PRKDC: variants seen among roughly 807,000 people sequenced by gnomAD.
PRKDC encodes the protein DNA-dependent protein kinase catalytic subunit.
Under a neutral mutation model 486.9 loss-of-function variants are expected in PRKDC, and 82 were observed. The observed-to-expected ratio is 0.17, with a 90% confidence interval of 0.14 to 0.20. The LOEUF (loss-of-function observed/expected upper bound fraction) is 0.20. Ranked by LOEUF, PRKDC falls within the 10% of genes least tolerant of loss-of-function variation. The pLI is 1.00. For synonymous variants in PRKDC, 1,895 were observed against 1,837.0 expected, an observed-to-expected ratio of 1.03 and a Z score of -0.81; for missense variants, 4,504 against 5,038.2, an observed-to-expected ratio of 0.89 and a Z score of 3.21.
chr8:47,786,049 T>C lies in PRKDC; in HGVS notation c.10903-732A>G, dbSNP rs905679865. On this transcript the variant is annotated intron_variant, in intron 76 of 85. Coordinates refer to ENST00000314191, the MANE Select transcript of PRKDC (RefSeq NM_006904.7). ...TGAACCCGGGAGGCGGAGGTTGCAG[T>C]GAGCCGAGATCGCGCCACTGCACTC... Among the ~76,000 whole-genome samples the C allele has an allele frequency of 2.0e-5, 3 of 151,144 alleles. No homozygotes were observed. The East Asian group carries it at 5.9e-4, about 29-fold the overall frequency.
chr8:47,953,476 G>A (rs555947448), intron 7 of PRKDC, 144 bp downstream of exon 7: 60 of 761,574 alleles, frequency 7.9e-5, no homozygotes, highest in East Asian at 1.9e-4. Context: ...AGGGGAACTC[G>A]GGAGGGCCCA....
chr8:47,847,789 C>T (rs572333943), intron 54 of PRKDC, among the ~76,000 whole-genome samples: 1 of 151,644 alleles, frequency 6.6e-6, no homozygotes, highest in Non-Finnish European at 1.5e-5. Flanking sequence ...CCATAAAAAA[C>T]TTAATTCAAC....
At chr8:47,950,472 A>G (rs1320755991) in intron 7 of PRKDC, among the ~76,000 whole-genome samples, 1 of 148,660 alleles carries the variant, frequency 6.7e-6, no homozygotes, top group East Asian at 2.0e-4. Context: ...AAAAATACAA[A>G]AACAAAATTA....
At chr8:47,799,083 A>ATTTTC in intron 72 of PRKDC, 127 bp downstream of exon 72, 2 of 1,272,508 alleles carry the variant, frequency 1.6e-6, no homozygotes, top group Admixed American at 4.6e-5. Flanking sequence ...GTCTCTTAAA[A>ATTTTC]AGACAGTAGG....
At chr8:47,934,694 A>C (rs1382061798) in intron 14 of PRKDC, among the ~76,000 whole-genome samples, 8 of 152,180 alleles carry the variant, frequency 5.3e-5, no homozygotes, top group Non-Finnish European at 1.2e-4. Flanking sequence ...ATCTCATCAT[A>C]TGTCCTATAA....
In PRKDC at chr8:47,890,294, G is replaced by A. The variant is rs943926450; in HGVS notation, c.4034C>T (p.Thr1345Ile). 6.2e-7 allele frequency: 1 copy of A among 1,612,426 alleles called. No homozygotes were observed. The highest frequency in any genetic ancestry group is 1.3e-5 in the African/African-American group (1 of 74,876). Residue 1345 changes from threonine to isoleucine, a missense_variant, in exon 32 of 86, where the codon ACC becomes ATC. Physicochemically the swap from Thr to Ile is moderately conservative, Grantham distance 89. This residue lies in a region of PRKDC where 1,969 missense variants were observed against 2,068.9 expected (regional missense o/e 0.95). Coordinates refer to ENST00000314191, the MANE Select transcript of PRKDC (RefSeq NM_006904.7). ...CTVVVRIMEF[T>I]TTLLNTSPEG... is the part of the protein sequence containing the mutation. ...CGGGGAGGTGTTTAGCAGAGTCGTG[G>A]TAAACTCCATAATCCGGACCACAAC...
chr8:47,801,828 T>A (rs756529812), intron 70 of PRKDC, among the ~76,000 whole-genome samples: 2 of 152,172 alleles, frequency 1.3e-5, no homozygotes, highest in Non-Finnish European at 2.9e-5. Flanking sequence ...GGAGGCCTGA[T>A]CAACCACATG....
intron 42 of PRKDC, 119 bp downstream of exon 42, chr8:47,863,280 A>G: frequency 1.2e-6 from 1 of 861,602 alleles, no homozygotes; most frequent in South Asian, 2.2e-5. Context: ...TATAAGAAGA[A>G]AACTATAAAA....
chr8:47,806,210 A>G (rs2087213024), intron 69 of PRKDC, among the ~76,000 whole-genome samples: 1 of 152,282 alleles, frequency 6.6e-6, no homozygotes, highest in South Asian at 2.1e-4. Flanking sequence ...TCATGTGTGC[A>G]GCCCCCACTC....
intron 16 of PRKDC, among the ~76,000 whole-genome samples, chr8:47,931,104 G>A (rs1054611987): frequency 1.3e-5 from 2 of 152,232 alleles, no homozygotes; most frequent in Non-Finnish European, 2.9e-5. Flanking sequence ...GTGACCTAGA[G>A]ATTTCAAGTG....
At chr8:47,821,224 T>C (rs1458905622) in intron 65 of PRKDC, among the ~76,000 whole-genome samples, 1 of 152,174 alleles carries the variant, frequency 6.6e-6, no homozygotes, top group Non-Finnish European at 1.5e-5. Flanking sequence ...ACTGAGGAAT[T>C]TACAAGCACA....
intron 68 of PRKDC, among the ~76,000 whole-genome samples, chr8:47,808,213 C>G (rs2154498522): frequency 6.6e-6 from 1 of 152,254 alleles, no homozygotes; most frequent in South Asian, 2.1e-4. Context: ...GCAATCACAG[C>G]TCACTGCAGC....
rs769582196 is a variant in PRKDC at position 47,803,327 on chromosome 8, G to C, written c.9901C>G (p.Leu3301Val). The C allele has an allele frequency of 1.9e-6, 3 of 1,612,442 alleles. No individual in the cohort carries two copies. The highest frequency in any genetic ancestry group is 2.2e-5 in the South Asian group (2 of 90,830). ...TTACCCAACAAAGAGACTGTTTTCA[G>C]CACAGTGAGCACCTGCTCAGAGCAG... The part of the protein sequence containing the change: ...QGCSEQVLTV[L>V]KTVSLLDENN... The change falls in exon 70 of 86, where the codon CTG (leucine) becomes GTG (valine). Residue 3301 changes from leucine to valine, a missense_variant. Coordinates refer to ENST00000314191, the MANE Select transcript of PRKDC (RefSeq NM_006904.7).
chr8:47,893,328 G>T lies in PRKDC; in HGVS notation c.3658C>A (p.Leu1220Ile). 1 of 1,584,694 alleles carries T rather than the reference G, an allele frequency of 6.3e-7. No individual in the cohort carries two copies. The highest frequency in any genetic ancestry group is 8.6e-7 in the Non-Finnish European group (1 of 1,160,194). ...CCACCCCCCTCAAAGGTGTTGATGA[G>T]AAAAGAGACACCTTCTTCCTTGAGA... is the stretch of plus-strand genomic sequence containing the variant. ...DVLKEEGVSF[L>I]INTFEGGGCG... is the part of the protein sequence containing the mutation. The change falls in exon 31 of 86, where the codon CTC (leucine) becomes ATC (isoleucine). Residue 1220 changes from leucine to isoleucine, a missense_variant. Leu to Ile is a conservative substitution (Grantham distance 5). Transcript: ENST00000314191.
intron 11 of PRKDC, among the ~76,000 whole-genome samples, chr8:47,936,825 G>T (rs935984463): frequency 6.8e-6 from 1 of 147,070 alleles, no homozygotes; most frequent in South Asian, 2.2e-4. Flanking sequence ...GGGTTTCTCC[G>T]TGTTGGTCAG....
Position 47,902,668 on chromosome 8 carries a change from T to C in PRKDC, c.3170A>G (p.Lys1057Arg), listed in dbSNP as rs113191673. The C allele has an allele frequency of 6.2e-7, 1 of 1,613,876 alleles. No individual in the cohort carries two copies. The highest frequency in any genetic ancestry group is 2.2e-5 in the East Asian group (1 of 44,884). The change falls in exon 27 of 86, where the codon AAA becomes AGA. Residue 1057 changes from lysine to arginine, a missense_variant. Around this residue, in one of 6 missense-constraint regions of PRKDC, gnomAD observed 1,969 missense variants for 2,068.9 expected, o/e 0.95. Transcript: ENST00000314191. Reference protein sequence around the residue: ...QQQEKSPVNTKSLFKRLYSLA... With the variant: ...QQQEKSPVNTRSLFKRLYSLA... ...GCTATAAAGTCGCTTGAAAAGCGATTTGGTGTTTACTGGACTCTTCTCCTG... is the reference window on the plus strand; with the variant it reads ...GCTATAAAGTCGCTTGAAAAGCGATCTGGTGTTTACTGGACTCTTCTCCTG...
At chr8:47,825,746 G>A (rs1164637684) in intron 63 of PRKDC, among the ~76,000 whole-genome samples, 2 of 152,228 alleles carry the variant, frequency 1.3e-5, no homozygotes, top group Non-Finnish European at 2.9e-5. Flanking sequence ...CACATCTGAA[G>A]CAACAGGAGA....
chr8:47,862,242 T>A lies in PRKDC; in HGVS notation c.5920-115A>T, dbSNP rs1207269116. On this transcript the variant is annotated intron_variant, in intron 43 of 85. Coordinates refer to ENST00000314191, the MANE Select transcript of PRKDC (RefSeq NM_006904.7). Reference sequence around the variant, plus strand: ...CATGGAAAAGCACTCCAGCTTTAAATATACCTATGCAGAATTAAACGAACC... The same window carrying A: ...CATGGAAAAGCACTCCAGCTTTAAAAATACCTATGCAGAATTAAACGAACC... 4.5e-6 allele frequency: 6 copies of A among 1,342,004 alleles called. No homozygotes were observed. In the East Asian group the frequency reaches 1.5e-4, roughly 34 times the overall value. 83.1% of individuals were successfully genotyped at this position (1,342,004 alleles called of 1,614,324 possible). A position where few individuals can be genotyped will look rare whatever the true frequency, so the allele number is the denominator to read the frequency against.
At chr8:47,890,621 T>G in intron 31 of PRKDC, 141 bp from the exon 32 acceptor site, 1 of 568,934 alleles carries the variant, frequency 1.8e-6, no homozygotes, top group Non-Finnish European at 3.0e-6. Context: ...AACAGCTTAA[T>G]AATAGCTGAA....
Sources: allele counts gnomAD v4.1 joint callset (sites outside exome capture counted in the v4.1 genomes callset), GRCh38; gene constraint gnomAD v4.1.1; regional missense constraint gnomAD v4.1.1; transcripts MANE v1.5; gene names NCBI Gene and HGNC (gene_info 2026-07-23, HGNC 2026-07-21).